The following TP63 variants were observed in gnomAD, a reference collection of about 807,000 sequenced individuals.
TP63 encodes the protein tumor protein 63.
In TP63, 17 loss-of-function variants were observed where a neutral mutation model predicts 82.8. The observed-to-expected ratio is 0.21, with a 90% CI of 0.14 to 0.31. The LOEUF (loss-of-function observed/expected upper bound fraction) is 0.31. Among genes scored for constraint, TP63 ranks in the 10% least tolerant of loss-of-function variants. The pLI, the probability that TP63 is intolerant of heterozygous loss-of-function variation, is 1.00. For missense variants in TP63, 648 were observed against 895.3 expected (o/e 0.72, Z 3.52); for synonymous variants, 330 against 321.7 (o/e 1.03, Z -0.28).
intron 1 of TP63, among the ~76,000 whole-genome samples, chr3:189,654,163 A>C (rs1232179672): frequency 2.0e-5 from 3 of 152,190 alleles, no homozygotes; most frequent in Admixed American, 6.5e-5. Flanking sequence ...AAAATGTCTT[A>C]AAGACAAAAC....
intron 1 of TP63, among the ~76,000 whole-genome samples, chr3:189,706,456 A>C (rs982746952): frequency 6.6e-6 from 1 of 152,026 alleles, no homozygotes; most frequent in Non-Finnish European, 1.5e-5. Flanking sequence ...GGGTTTCACC[A>C]TGTTGGCCAG....
chr3:189,648,140 AAAGAAC>A (rs1712582466), intron 1 of TP63, among the ~76,000 whole-genome samples: 1 of 147,216 alleles, frequency 6.8e-6, no homozygotes, highest in African/African-American at 2.5e-5. Flanking sequence ...AACCAAAAAT[AAAGAAC>A]AAGAAGTAAT....
chr3:189,862,428 C>A (rs1717154514), intron 4 of TP63, among the ~76,000 whole-genome samples: 1 of 152,024 alleles, frequency 6.6e-6, no homozygotes, highest in Non-Finnish European at 1.5e-5. Flanking sequence ...ACTGTACTCT[C>A]TCGAGCTTGA....
At chr3:189,770,545 A>G (rs1723263226) in intron 3 of TP63, among the ~76,000 whole-genome samples, 1 of 150,524 alleles carries the variant, frequency 6.6e-6, no homozygotes, top group South Asian at 2.1e-4. Context: ...AGCCTGGCCA[A>G]CAGAGCAAGA....
At chr3:189,633,413 T>G (rs1287208203) in intron 1 of TP63, among the ~76,000 whole-genome samples, 6 of 151,988 alleles carry the variant, frequency 3.9e-5, no homozygotes, top group African/African-American at 1.4e-4. Flanking sequence ...CCAGCGTGTG[T>G]TGTTCCCCTC....
At chr3:189,781,575 C>A (rs540600742) in intron 3 of TP63, among the ~76,000 whole-genome samples, 3 of 150,706 alleles carry the variant, frequency 2.0e-5, no homozygotes, top group Admixed American at 6.7e-5. Flanking sequence ...AAAGTAAATA[C>A]ACCTCCTTTC....
chr3:189,859,107 G>A (rs1401319303), intron 4 of TP63, among the ~76,000 whole-genome samples: 1 of 152,156 alleles, frequency 6.6e-6, no homozygotes, highest in East Asian at 1.9e-4. Flanking sequence ...AAAATAGCTA[G>A]AAGGGAGGAT....
intron 1 of TP63, among the ~76,000 whole-genome samples, chr3:189,736,218 C>T (rs1445302609): frequency 6.6e-6 from 1 of 150,756 alleles, no homozygotes; most frequent in African/African-American, 2.4e-5. Context: ...CTTTCTCTGT[C>T]TCTCTCACCA....
intron 3 of TP63, among the ~76,000 whole-genome samples, chr3:189,771,300 TTA>T (rs1209607056): frequency 5.0e-5 from 5 of 99,288 alleles, no homozygotes; most frequent in Middle Eastern, 4.9e-3. Context: ...TATATTATAT[TTA>T]TATATATAAT....
chr3:189,698,164 T>G (rs1222325498), intron 1 of TP63, among the ~76,000 whole-genome samples: 1 of 152,048 alleles, frequency 6.6e-6, no homozygotes, highest in East Asian at 1.9e-4. Context: ...CAGGTTTAGG[T>G]TTTTTGTAGG....
chr3:189,825,336 G>A (rs1729227125), intron 4 of TP63, among the ~76,000 whole-genome samples: 5 of 152,182 alleles, frequency 3.3e-5, no homozygotes, highest in Admixed American at 2.0e-4. Context: ...CCAATATTGA[G>A]CTAAGTGATA....
chr3:189,814,250 TAAG>T (rs1727914905), intron 4 of TP63, among the ~76,000 whole-genome samples: 1 of 152,214 alleles, frequency 6.6e-6, no homozygotes, highest in Non-Finnish European at 1.5e-5. Flanking sequence ...TAGAGACTCT[TAAG>T]AATAGCCCAT....
At chr3:189,697,216 G>A (rs1025992962) in intron 1 of TP63, among the ~76,000 whole-genome samples, 5 of 140,104 alleles carry the variant, frequency 3.6e-5, no homozygotes, top group Admixed American at 2.2e-4. Context: ...AAGATGTAAG[G>A]TGTATGTCTA....
intron 3 of TP63, among the ~76,000 whole-genome samples, chr3:189,784,353 G>T (rs148062061): frequency 6.6e-6 from 1 of 152,172 alleles, no homozygotes; most frequent in Non-Finnish European, 1.5e-5. Context: ...AAATACAGGA[G>T]TAGGGGGAAA....
chr3:189,726,082 A>G (rs895441529), intron 1 of TP63, among the ~76,000 whole-genome samples: 2 of 152,246 alleles, frequency 1.3e-5, no homozygotes, highest in South Asian at 4.1e-4. Context: ...ATATTTTGTC[A>G]TCATTGCTAG....
At chr3:189,797,839 C>A (rs1217295369) in intron 3 of TP63, among the ~76,000 whole-genome samples, 4 of 151,972 alleles carry the variant, frequency 2.6e-5, no homozygotes, top group Non-Finnish European at 5.9e-5. Context: ...TTTCTTTGCT[C>A]CAACACCTCA....
At chr3:189,763,928 G>C (rs574757010) in intron 3 of TP63, among the ~76,000 whole-genome samples, 1 of 152,148 alleles carries the variant, frequency 6.6e-6, no homozygotes, top group Non-Finnish European at 1.5e-5. Flanking sequence ...CCTACAGCAA[G>C]ATAAATTATA....
At chr3:189,819,020 TA>T (rs1399443224) in intron 4 of TP63, among the ~76,000 whole-genome samples, 1 of 152,192 alleles carries the variant, frequency 6.6e-6, no homozygotes, top group Admixed American at 6.5e-5. Context: ...ATTTAGTGAA[TA>T]AAGCATTTGG....
At chr3:189,624,342 G>C in the TP63 span, among the ~76,000 whole-genome samples, 1 of 151,988 alleles carries the variant, frequency 6.6e-6, no homozygotes, top group African/African-American at 2.4e-5. Flanking sequence ...TTACATATGT[G>C]TGGTTTTTAA....
Sources: gnomAD v4.1 joint callset for allele counts (sites outside exome capture counted in the v4.1 genomes callset) on GRCh38, gnomAD v4.1.1 for gene constraint, MANE v1.5 for transcripts, NCBI Gene and HGNC (gene_info 2026-07-23, HGNC 2026-07-21) for gene names.